Variants in DPYSL2 observed in about 807,000 individuals in gnomAD.
The protein encoded by DPYSL2 is dihydropyrimidinase like 2.
In DPYSL2, 13 loss-of-function variants were observed where a neutral mutation model predicts 69.9. The ratio of observed to expected loss-of-function variants is 0.19; its 90% confidence interval spans 0.12 to 0.30. The LOEUF (loss-of-function observed/expected upper bound fraction) is 0.30, where lower values mean the gene tolerates loss of function less well. Among genes scored for constraint, DPYSL2 ranks in the 10% least tolerant of loss-of-function variants. The pLI is 1.00. For synonymous variants in DPYSL2, 326 were observed against 359.1 expected (o/e 0.91, Z 1.04); for missense variants, 587 against 918.9 (o/e 0.64, Z 4.67).
At chr8:26,535,539 C>T (rs1038317895) in intron 1 of DPYSL2, among the ~76,000 whole-genome samples, 21 of 151,628 alleles carry the variant, frequency 1.4e-4, no homozygotes, top group Admixed American at 9.9e-4. Flanking sequence ...TTTCACGGAA[C>T]GTAAGTACAG....
intron 1 of DPYSL2, chr8:26,577,493 C>G (rs961444659): frequency 6.7e-6 from 1 of 148,980 alleles, no homozygotes; most frequent in Non-Finnish European, 1.5e-5. Flanking sequence ...GCAGTCACCC[C>G]ACGCGGGGCT....
chr8:26,616,754 A>G (rs922307487), intron 3 of DPYSL2, among the ~76,000 whole-genome samples: 1 of 152,026 alleles, frequency 6.6e-6, no homozygotes, highest in Non-Finnish European at 1.5e-5. Flanking sequence ...CTCCTGCTCC[A>G]CGGGTGTAAC....
intron 1 of DPYSL2, among the ~76,000 whole-genome samples, chr8:26,544,827 A>C (rs1429155912): frequency 6.6e-6 from 1 of 152,252 alleles, no homozygotes. Context: ...TATTTTATGC[A>C]AATAGTAACC....
intron 1 of DPYSL2, among the ~76,000 whole-genome samples, chr8:26,569,501 CT>C (rs1801205742): frequency 1.3e-5 from 2 of 151,992 alleles, no homozygotes; most frequent in South Asian, 4.2e-4. Context: ...GAACAGGTAT[CT>C]TTAGAAAGGT....
chr8:26,589,672 G>C (rs903776757), intron 3 of DPYSL2, among the ~76,000 whole-genome samples: 5 of 152,238 alleles, frequency 3.3e-5, no homozygotes, highest in Non-Finnish European at 7.3e-5. Flanking sequence ...TGGTGGGGGA[G>C]GGTGGCAGAA....
intron 1 of DPYSL2, among the ~76,000 whole-genome samples, chr8:26,573,572 G>A (rs1183576250): frequency 1.3e-5 from 2 of 151,180 alleles, no homozygotes; most frequent in African/African-American, 4.9e-5. Context: ...AGAGGCTGAG[G>A]CAGGAGAATG....
At chr8:26,623,956 C>T in intron 3 of DPYSL2, 187 bp from the exon 4 acceptor site, 1 of 619,848 alleles carries the variant, frequency 1.6e-6, no homozygotes, top group South Asian at 2.0e-5. Context: ...TGCCAAGTTT[C>T]TGCTTTCTGC....
Position 26,598,803 on chromosome 8 carries a change from A to C in DPYSL2, c.628+14820A>C, listed in dbSNP as rs933392643. Reference sequence around the variant, plus strand: ...TTGAGACTTACACCTTGTTTATTGCAATCTTTCTTTCATTTTGCAGGCGGT... The same window carrying C: ...TTGAGACTTACACCTTGTTTATTGCCATCTTTCTTTCATTTTGCAGGCGGT... On this transcript the variant is annotated intron_variant, in intron 3 of 13. Transcript: ENST00000521913. This position sits in a 1 kb window ranked among gnomAD's most constrained non-coding sequence, Gnocchi z 4.2. Among the ~76,000 whole-genome samples, 1 of 152,044 alleles carries C rather than the reference A, an allele frequency of 6.6e-6. No individual in the cohort carries two copies. The highest frequency in any genetic ancestry group is 1.5e-5 in the Non-Finnish European group (1 of 68,004).
chr8:26,631,094 G>A (rs1171969879), intron 7 of DPYSL2, among the ~76,000 whole-genome samples: 1 of 152,222 alleles, frequency 6.6e-6, no homozygotes, highest in African/African-American at 2.4e-5. Flanking sequence ...GCTTTCTGCA[G>A]AGAAGTACAC....
At chr8:26,636,721 C>T (rs1802924835) in intron 8 of DPYSL2, among the ~76,000 whole-genome samples, 1 of 151,886 alleles carries the variant, frequency 6.6e-6, no homozygotes, top group African/African-American at 2.4e-5. Flanking sequence ...CTGGTAGCCC[C>T]CGTTGTTGTT....
chr8:26,526,177 C>G (rs896706361), intron 1 of DPYSL2, among the ~76,000 whole-genome samples: 1 of 152,134 alleles, frequency 6.6e-6, no homozygotes, highest in Non-Finnish European at 1.5e-5. Flanking sequence ...TCACTGCAAC[C>G]GCTGCCTCCT....
chr8:26,530,444 A>T (rs533259575), intron 1 of DPYSL2, among the ~76,000 whole-genome samples: 1 of 152,338 alleles, frequency 6.6e-6, no homozygotes, highest in Non-Finnish European at 1.5e-5. Flanking sequence ...TTGGATGTGG[A>T]CTTTGAAATT....
rs1283818548 is a variant in DPYSL2 at position 26,514,699 on chromosome 8, G to T, written c.354+20G>T. 4.4e-6 allele frequency: 6 copies of T among 1,374,248 alleles called. No homozygotes were observed. The highest frequency in any genetic ancestry group is 5.6e-6 in the Non-Finnish European group (6 of 1,065,996). 85.1% of individuals were successfully genotyped at this position (1,374,248 alleles called of 1,614,324 possible). Reference sequence around the variant, plus strand: ...GACCAGGTCGGTGTGGGGGTTGGGGGTGGAGACGGAGGACGGGGCGCGGGG... The same window carrying T: ...GACCAGGTCGGTGTGGGGGTTGGGGTTGGAGACGGAGGACGGGGCGCGGGG... On this transcript the variant is annotated intron_variant, in intron 1 of 13. Coordinates refer to ENST00000521913, the MANE Select transcript of DPYSL2 (RefSeq NM_001197293.3). This position sits in a 1 kb window ranked among gnomAD's most constrained non-coding sequence, Gnocchi z 8.4.
chr8:26,537,611 T>TACACACACACACACACAAACACACAC (rs1800614064), intron 1 of DPYSL2, among the ~76,000 whole-genome samples: 1 of 147,546 alleles, frequency 6.8e-6, no homozygotes, highest in Non-Finnish European at 1.5e-5. Flanking sequence ...ATTCTCTCTC[T>TACACACACACACACACAAACACACAC]ACACACACAC....
At chr8:26,581,664 G>A (rs11995685) in intron 1 of DPYSL2, among the ~76,000 whole-genome samples, 118 of 151,672 alleles carry the variant, frequency 7.8e-4, no homozygotes, top group Non-Finnish European at 1.1e-3. Flanking sequence ...ATGAGCCACC[G>A]TGCCCGGCCC....
At chr8:26,526,532 T>C (rs897499189) in intron 1 of DPYSL2, among the ~76,000 whole-genome samples, 3 of 152,264 alleles carry the variant, frequency 2.0e-5, no homozygotes, top group Non-Finnish European at 4.4e-5. Flanking sequence ...AAGGCTTTAT[T>C]CATTATTTCT....
At chr8:26,535,235 A>T (rs939800137) in intron 1 of DPYSL2, among the ~76,000 whole-genome samples, 1 of 152,050 alleles carries the variant, frequency 6.6e-6, no homozygotes, top group Non-Finnish European at 1.5e-5. Flanking sequence ...TTCTCTTCTC[A>T]CAAGGGAACT....
intron 1 of DPYSL2, among the ~76,000 whole-genome samples, chr8:26,549,795 T>G (rs1024710732): frequency 6.6e-6 from 1 of 152,164 alleles, no homozygotes; most frequent in African/African-American, 2.4e-5. Context: ...AAAACACCAA[T>G]GTAGAATTTT....
At chr8:26,546,127 G>A (rs1800763540) in intron 1 of DPYSL2, among the ~76,000 whole-genome samples, 1 of 152,122 alleles carries the variant, frequency 6.6e-6, no homozygotes, top group Admixed American at 6.5e-5. Flanking sequence ...ATGAACTTGG[G>A]AATATTTCTT....
Sources: gnomAD v4.1 joint callset for allele counts (sites outside exome capture counted in the v4.1 genomes callset) on GRCh38, gnomAD v4.1.1 for gene constraint, Gnocchi (gnomAD v3.1) non-coding constraint, MANE v1.5 for transcripts, NCBI Gene and HGNC (gene_info 2026-07-23, HGNC 2026-07-21) for gene names.